The following PIEZO2 variants were observed in gnomAD, a reference collection of about 807,000 sequenced individuals.
PIEZO2 encodes the protein piezo type mechanosensitive ion channel component 2.
PIEZO2 carries 172 observed loss-of-function variants against 337.3 expected under a neutral mutation model. The ratio of observed to expected loss-of-function variants is 0.51; its 90% CI spans 0.45 to 0.58. PIEZO2 has a LOEUF of 0.58. PIEZO2 is among the 20% of genes least tolerant of loss of function. The pLI, the probability that PIEZO2 is intolerant of heterozygous loss-of-function variation, is 0.00. For synonymous variants in PIEZO2, 1,251 were observed against 1,228.5 expected, an observed-to-expected ratio of 1.02 and a Z score of -0.38; for missense variants, 3,028 against 3,391.3, an observed-to-expected ratio of 0.89 and a Z score of 2.66.
rs946296074 is a variant in PIEZO2, at chr18:11,069,984, A to C, written c.65-3762T>G. Among the ~76,000 whole-genome samples the C allele has an allele frequency of 6.6e-6, 1 of 152,242 alleles. No individual in the cohort carries two copies. Among genetic ancestry groups the C allele is most frequent in the Admixed American group, 6.5e-5 (1 of 15,288 alleles). On this transcript the variant is annotated intron_variant, in intron 1 of 55. Transcript: ENST00000674853. The surrounding 1 kb of genome is among the most constrained non-coding windows in gnomAD (Gnocchi z 4.9). ...AGGTGAAAGACCTATAAATGGAAGA[A>C]TATAAAACATTGATAATAGAAATTG...
chr18:10,892,428 A>C (rs2042782192), intron 4 of PIEZO2, among the ~76,000 whole-genome samples: 1 of 152,180 alleles, frequency 6.6e-6, no homozygotes, highest in African/African-American at 2.4e-5. Flanking sequence ...AGAAAAGGTA[A>C]AGCCAGAGAA....
rs2032989057 is a variant in PIEZO2 at position 10,945,775 on chromosome 18, T to C, written c.286+33760A>G. Among the ~76,000 whole-genome samples the C allele has an allele frequency of 6.6e-6, 1 of 152,198 alleles. No individual in the cohort carries two copies. The highest frequency in any genetic ancestry group is 2.4e-5 in the African/African-American group (1 of 41,446). On this transcript the variant is annotated intron_variant, in intron 3 of 55. Transcript: ENST00000674853. This position sits in a 1 kb window ranked among gnomAD's most constrained non-coding sequence, Gnocchi z 4.0. The stretch of plus-strand genomic sequence containing the variant: ...GCAAGAAAATAAAAAGTTATTATAA[T>C]TGCATTCCATATGTTCAAACAGTTA...
At position 10,697,869 on chromosome 18, in the gene PIEZO2, T is replaced by G; in HGVS notation, c.6706A>C (p.Thr2236Pro). 1 of 1,612,266 alleles carries G rather than the reference T, an allele frequency of 6.2e-7. No individual in the cohort carries two copies. The highest frequency in any genetic ancestry group is 1.1e-5 in the South Asian group (1 of 90,864). Residue 2236 changes from threonine to proline, a missense_variant, in exon 45 of 56, where the codon ACC becomes CCC. Physicochemically the swap from Thr to Pro is conservative, Grantham distance 38. This residue lies in a region of PIEZO2 where 1,925 missense variants were observed against 2,051.9 expected (regional missense o/e 0.94). Coordinates refer to ENST00000674853, the MANE Select transcript of PIEZO2 (RefSeq NM_001378183.1). Reference protein sequence around the residue: ...SNRSQRGSTSTRNSSQKGSSV... With the variant: ...SNRSQRGSTSPRNSSQKGSSV... ...CTTCCTTTTTGACTGCTGTTTCGGGTGCTTGTGCTGCCTAGAAATAAAAAG... is the reference window on the plus strand; with the variant it reads ...CTTCCTTTTTGACTGCTGTTTCGGGGGCTTGTGCTGCCTAGAAATAAAAAG...
At position 11,070,956 on chromosome 18, in the gene PIEZO2, T is replaced by C. The variant is rs376682772; in HGVS notation, c.65-4734A>G. ...TCCCAGAATGCGGACAACAGGAGCA[T>C]AGCACACTCCAGCCAAGGGTCTGCA... is the stretch of plus-strand genomic sequence containing the variant. On this transcript the variant is annotated intron_variant, in intron 1 of 55. Transcript: ENST00000674853. This position sits in a 1 kb window ranked among gnomAD's most constrained non-coding sequence, Gnocchi z 4.3. Among the ~76,000 whole-genome samples the C allele has an allele frequency of 1.3e-5, 2 of 151,954 alleles. No homozygotes were observed. Among genetic ancestry groups the C allele is most frequent in the South Asian group, 4.2e-4 (2 of 4,814 alleles).
chr18:10,715,302 C>A (rs546398055), intron 38 of PIEZO2, among the ~76,000 whole-genome samples: 5,974 of 152,134 alleles, frequency 0.039, 197 homozygotes, highest in Admixed American at 0.1. Flanking sequence ...TGGGAGAAAA[C>A]AAACACCACT....
At chr18:10,890,984 A>C (rs987699834) in intron 4 of PIEZO2, among the ~76,000 whole-genome samples, 3 of 152,340 alleles carry the variant, frequency 2.0e-5, no homozygotes, top group African/African-American at 7.2e-5. Context: ...GGTAAGAGTA[A>C]CTTTTTTTTT....
At position 10,899,965 on chromosome 18, in the gene PIEZO2, A is replaced by G. The variant is rs1291968970; in HGVS notation, c.329+11221T>C. Among the ~76,000 whole-genome samples the G allele has an allele frequency of 6.6e-6, 1 of 152,210 alleles. No homozygotes were observed. Among genetic ancestry groups the G allele is most frequent in the Non-Finnish European group, 1.5e-5 (1 of 68,040 alleles). On this transcript the variant is annotated intron_variant, in intron 4 of 55. Coordinates refer to ENST00000674853, the MANE Select transcript of PIEZO2 (RefSeq NM_001378183.1). The surrounding 1 kb of genome is among the most constrained non-coding windows in gnomAD (Gnocchi z 4.6). ...TTTAGGAAGATGGAGATTACAAATCAGAGAATATTTTCTTCCAGCCATGTT... is the reference window on the plus strand; with the variant it reads ...TTTAGGAAGATGGAGATTACAAATCGGAGAATATTTTCTTCCAGCCATGTT...
chr18:10,799,079 G>A (rs144439862), intron 11 of PIEZO2, among the ~76,000 whole-genome samples: 1 of 152,180 alleles, frequency 6.6e-6, no homozygotes, highest in Non-Finnish European at 1.5e-5. Context: ...AGCCCTGTGG[G>A]GCAACTCCAG....
intron 3 of PIEZO2, among the ~76,000 whole-genome samples, chr18:10,976,639 A>G (rs1252823246): frequency 6.6e-6 from 1 of 152,240 alleles, no homozygotes; most frequent in African/African-American, 2.4e-5. Flanking sequence ...AAAAAAGGAA[A>G]GGGAAGATGT....
intron 3 of PIEZO2, among the ~76,000 whole-genome samples, chr18:10,944,507 CTTAGTAACAGATATATATATATATATATA>C (rs2032908500): frequency 9.7e-5 from 2 of 20,696 alleles, no homozygotes; most frequent in Admixed American, 6.5e-4. Flanking sequence ...ATATATATAT[CTTAGTAACAGATATATATATATATATATA>C]TATATATATC....
chr18:10,812,244 C>A (rs1829513533), intron 7 of PIEZO2, among the ~76,000 whole-genome samples: 2 of 152,214 alleles, frequency 1.3e-5, no homozygotes. Context: ...CAAGATCCTT[C>A]AACTGCACTT....
At chr18:10,909,105 G>C (rs1308440206) in intron 4 of PIEZO2, among the ~76,000 whole-genome samples, 3 of 152,206 alleles carry the variant, frequency 2.0e-5, no homozygotes, top group Admixed American at 1.3e-4. Flanking sequence ...CCATCTAACT[G>C]TGCAGGAAAC....
chr18:11,073,796 G>A (rs1568350493), intron 1 of PIEZO2, among the ~76,000 whole-genome samples: 1 of 151,330 alleles, frequency 6.6e-6, no homozygotes, highest in Admixed American at 6.6e-5. Flanking sequence ...CTTTGAACTT[G>A]GCAATATGGC....
rs544406740 is a variant in PIEZO2 at position 10,794,885 on chromosome 18, C to A, written c.1645G>T (p.Val549Phe). The A allele has an allele frequency of 6.5e-7, 1 of 1,538,852 alleles. No homozygotes were observed. Among genetic ancestry groups the A allele is most frequent in the South Asian group, 1.2e-5 (1 of 84,058 alleles). Reference protein sequence around the residue: ...YAMISSPFMVVYGNLLLILQY... With the variant: ...YAMISSPFMVFYGNLLLILQY... ...AATATCAACAATAGGTTTCCATAAACCACCATGAAGGGAGAGCTGATCATG... is the reference window on the plus strand; with the variant it reads ...AATATCAACAATAGGTTTCCATAAAACACCATGAAGGGAGAGCTGATCATG... Residue 549 changes from valine (V) to phenylalanine (F), a missense_variant, in exon 13 of 56, where the codon GTT (valine) becomes TTT (phenylalanine). Transcript: ENST00000674853. The surrounding 1 kb of genome is among the most constrained non-coding windows in gnomAD (Gnocchi z 6.6).
At chr18:10,719,428 C>T (rs2036161607) in intron 36 of PIEZO2, among the ~76,000 whole-genome samples, 1 of 152,148 alleles carries the variant, frequency 6.6e-6, no homozygotes, top group Non-Finnish European at 1.5e-5. Flanking sequence ...TTGCTTAGCT[C>T]CCACTGATAA....
rs145543141 is a variant in PIEZO2 at position 11,116,216 on chromosome 18, T to C, written c.64+32309A>G. Reference sequence around the variant, plus strand: ...AGTGCTCAGATTATGCCCACTGCCTTCAATATCCAGCTTTACAAATCCTAT... The same window carrying C: ...AGTGCTCAGATTATGCCCACTGCCTCCAATATCCAGCTTTACAAATCCTAT... On this transcript the variant is annotated intron_variant, in intron 1 of 55. Coordinates refer to ENST00000674853, the MANE Select transcript of PIEZO2 (RefSeq NM_001378183.1). The surrounding 1 kb of genome is among the most constrained non-coding windows in gnomAD (Gnocchi z 5.0). Among the ~76,000 whole-genome samples, 503 of 152,306 alleles carry C rather than the reference T, an allele frequency of 3.3e-3. 2 individuals are homozygous for C. Among genetic ancestry groups the C allele is most frequent in the African/African-American group, 0.011 (475 of 41,558 alleles).
Position 11,030,478 on chromosome 18 carries a change from A to C in PIEZO2, c.160+35649T>G, listed in dbSNP as rs147097232. ...TGATGAGAAAACTGAGGCCCAAAGG[A>C]GTGACTTGCCCAAGGTCAGACAACC... is the stretch of plus-strand genomic sequence containing the variant. On this transcript the variant is annotated intron_variant, in intron 2 of 55. Transcript: ENST00000674853. Among the ~76,000 whole-genome samples, 82 of 152,316 alleles carry C rather than the reference A, an allele frequency of 5.4e-4. 1 individual carries two copies. The Middle Eastern group carries it at 0.017, about 32-fold the overall frequency.
At chr18:10,738,530 G>A (rs2037097548) in intron 33 of PIEZO2, 1 of 152,124 alleles carries the variant, frequency 6.6e-6, no homozygotes, top group South Asian at 2.1e-4. Context: ...TTATTGAAAT[G>A]AAACTAGGAA....
chr18:11,043,883 C>T lies in PIEZO2; in HGVS notation c.160+22244G>A, dbSNP rs77983727. ...GACAGGGGGTTTCGTCATGTTTGCC[C>T]GGCTGGTCATGAACTCCTGACCTCA... On this transcript the variant is annotated intron_variant, in intron 2 of 55. Coordinates refer to ENST00000674853, the MANE Select transcript of PIEZO2 (RefSeq NM_001378183.1). 7.8e-3 allele frequency among the ~76,000 whole-genome samples: 1,181 copies of T among 151,910 alleles called. 19 individuals carry two copies. The highest frequency in any genetic ancestry group is 0.027 in the African/African-American group (1,132 of 41,394).
Sources: allele counts gnomAD v4.1 joint callset (sites outside exome capture counted in the v4.1 genomes callset), GRCh38; gene constraint gnomAD v4.1.1; regional missense constraint gnomAD v4.1.1; non-coding constraint Gnocchi (gnomAD v3.1); transcripts MANE v1.5; gene names NCBI Gene and HGNC (gene_info 2026-07-23, HGNC 2026-07-21).